Variants in CRADD observed in about 807,000 individuals in gnomAD.
CRADD encodes CARD and death domain containing adaptor protein.
In CRADD, 9 loss-of-function variants were observed where a neutral mutation model predicts 15.5. The observed-to-expected ratio is 0.58, with a 90% CI of 0.35 to 1.01. CRADD has a LOEUF of 1.01. Ranked by LOEUF, CRADD falls within the 50% of genes least tolerant of loss-of-function variation. CRADD has a pLI of 0.02. For missense variants in CRADD, 227 were observed against 250.3 expected, an observed-to-expected ratio of 0.91 and a Z score of 0.63; for synonymous variants, 118 against 107.6, an observed-to-expected ratio of 1.10 and a Z score of -0.60.
chr12:93,849,378 ATAGAC>A (rs1958179199), intron 2 of CRADD: 1 of 152,572 alleles, frequency 6.6e-6, no homozygotes, highest in Non-Finnish European at 1.5e-5. Context: ...ATCAAAGAAA[ATAGAC>A]TAGTTATTAT....
chr12:93,780,404 T>A (rs576362744), intron 2 of CRADD, among the ~76,000 whole-genome samples: 123 of 152,226 alleles, frequency 8.1e-4, no homozygotes, highest in Non-Finnish European at 1.0e-3. Context: ...TAGATATTAC[T>A]GTTATCAATC....
intron 2 of CRADD, among the ~76,000 whole-genome samples, chr12:93,819,009 A>G (rs912032132): frequency 6.6e-6 from 1 of 152,224 alleles, no homozygotes; most frequent in Non-Finnish European, 1.5e-5. Flanking sequence ...TTATGTTGAC[A>G]TTTCTAGCTA....
At chr12:93,825,030 T>C (rs1186700506) in intron 2 of CRADD, among the ~76,000 whole-genome samples, 1 of 152,222 alleles carries the variant, frequency 6.6e-6, no homozygotes, top group Non-Finnish European at 1.5e-5. Context: ...TTTGTTAAAG[T>C]ACATCTAACC....
chr12:93,818,492 C>T (rs1359772405), intron 2 of CRADD, among the ~76,000 whole-genome samples: 2 of 152,170 alleles, frequency 1.3e-5, no homozygotes, highest in Non-Finnish European at 2.9e-5. Context: ...TGACCTGTGT[C>T]TTCTGGTTAG....
intron 2 of CRADD, among the ~76,000 whole-genome samples, chr12:93,801,122 C>A (rs755589070): frequency 6.6e-6 from 1 of 152,162 alleles, no homozygotes; most frequent in Non-Finnish European, 1.5e-5. Flanking sequence ...GTACATAAAG[C>A]CTGTCAGTCC....
intron 2 of CRADD, among the ~76,000 whole-genome samples, chr12:93,818,825 G>C (rs1264825052): frequency 6.6e-6 from 1 of 152,196 alleles, no homozygotes; most frequent in African/African-American, 2.4e-5. Flanking sequence ...CAAAGAGACA[G>C]AGCATGATCC....
chr12:93,679,066 C>T lies in CRADD; in HGVS notation c.292C>T (p.Pro98Ser), dbSNP rs1347904821. Residue 98 changes from proline (P) to serine (S), a missense_variant, in exon 2 of 3, where the codon CCT (proline) becomes TCT (serine). Coordinates refer to ENST00000332896, the MANE Select transcript of CRADD (RefSeq NM_003805.5). The part of the protein sequence containing the change: ...KAREEAMTDL[P>S]AGDRLTGIPS... ...AAGGGAAGAGGCCATGACCGACCTG[C>T]CTGCAGGTAGGCCTCAGAAAGATCA... 17 of 1,611,494 alleles carry T rather than the reference C, an allele frequency of 1.1e-5. No individual in the cohort carries two copies. Among genetic ancestry groups the T allele is most frequent in the Non-Finnish European group, 1.4e-5 (17 of 1,178,238 alleles).
chr12:93,873,546 G>A (rs1425052547), intron 2 of CRADD, among the ~76,000 whole-genome samples: 1 of 151,936 alleles, frequency 6.6e-6, no homozygotes, highest in Non-Finnish European at 1.5e-5. Flanking sequence ...ATCTGTGGGT[G>A]TTTCATATCT....
At chr12:93,893,753 A>C (rs1489775400) in intron 2 of CRADD, among the ~76,000 whole-genome samples, 1 of 152,070 alleles carries the variant, frequency 6.6e-6, no homozygotes, top group Non-Finnish European at 1.5e-5. Flanking sequence ...TAACAATACA[A>C]AAATTAGCCA....
At chr12:93,693,772 C>T (rs961407413) in intron 2 of CRADD, among the ~76,000 whole-genome samples, 4 of 151,960 alleles carry the variant, frequency 2.6e-5, no homozygotes, top group African/African-American at 9.7e-5. Flanking sequence ...CAGAACATTC[C>T]ATCCAATGGT....
At chr12:93,826,742 T>G (rs1015394462) in intron 2 of CRADD, 2 of 152,196 alleles carry the variant, frequency 1.3e-5, no homozygotes, top group African/African-American at 4.8e-5. Context: ...GAGAGAACTT[T>G]CAGAGTATCA....
In CRADD at chr12:93,693,906, C is replaced by T. The variant is rs116071611; in HGVS notation, c.298+14834C>T. ...TCATTGCTGAATTCTGCCAAACATTCAAAGAACAAATACCAATCTTTCTCA... is the reference window on the plus strand; with the variant it reads ...TCATTGCTGAATTCTGCCAAACATTTAAAGAACAAATACCAATCTTTCTCA... On this transcript the variant is annotated intron_variant, in intron 2 of 2. Coordinates refer to ENST00000332896, the MANE Select transcript of CRADD (RefSeq NM_003805.5). Among the ~76,000 whole-genome samples, 440 of 152,152 alleles carry T rather than the reference C, an allele frequency of 2.9e-3. 4 individuals carry two copies. Among genetic ancestry groups the T allele is most frequent in the African/African-American group, 0.01 (420 of 41,556 alleles).
intron 2 of CRADD, among the ~76,000 whole-genome samples, chr12:93,734,021 G>GC (rs1260504699): frequency 1.3e-5 from 2 of 152,100 alleles, no homozygotes; most frequent in Non-Finnish European, 2.9e-5. Context: ...ACAGGCGTGA[G>GC]CCACCTGCCT....
rs115323420 is a variant in CRADD, at chr12:93,687,255, G to A, written c.298+8183G>A. The stretch of plus-strand genomic sequence containing the variant: ...CATTTCACTTTAAAACATGGATTTG[G>A]TATTCTTTTCACTTAGAAATTCTGG... On this transcript the variant is annotated intron_variant, in intron 2 of 2. Coordinates refer to ENST00000332896, the MANE Select transcript of CRADD (RefSeq NM_003805.5). 1.4e-3 allele frequency among the ~76,000 whole-genome samples: 220 copies of A among 152,278 alleles called. 1 individual carries two copies. The highest frequency in any genetic ancestry group is 4.7e-3 in the African/African-American group (196 of 41,540).
chr12:93,712,134 C>T (rs1279471256), intron 2 of CRADD, among the ~76,000 whole-genome samples: 3 of 152,036 alleles, frequency 2.0e-5, no homozygotes, highest in African/African-American at 7.2e-5. Context: ...ACTGACTGTT[C>T]TTTTTCTCTA....
intron 2 of CRADD, among the ~76,000 whole-genome samples, chr12:93,750,457 A>G (rs1294157636): frequency 6.6e-6 from 1 of 152,234 alleles, no homozygotes; most frequent in East Asian, 1.9e-4. Context: ...GGCAGGTAGA[A>G]AAGATAACTC....
At chr12:93,816,379 G>A (rs941303731) in intron 2 of CRADD, among the ~76,000 whole-genome samples, 5 of 38,518 alleles carry the variant, frequency 1.3e-4, no homozygotes, top group Non-Finnish European at 2.3e-4. Flanking sequence ...GTGATGCCTG[G>A]CTAATTTTTT....
intron 2 of CRADD, among the ~76,000 whole-genome samples, chr12:93,722,827 T>C (rs1956288546): frequency 6.6e-6 from 1 of 152,216 alleles, no homozygotes; most frequent in Admixed American, 6.5e-5. Flanking sequence ...TTCTGATGCT[T>C]GGTCTGTCTC....
intron 2 of CRADD, among the ~76,000 whole-genome samples, chr12:93,697,112 T>C (rs1348691818): frequency 6.6e-6 from 1 of 152,196 alleles, no homozygotes; most frequent in African/African-American, 2.4e-5. Context: ...TTTAATCATC[T>C]CTATTTAGCC....
Sources: allele counts gnomAD v4.1 joint callset (sites outside exome capture counted in the v4.1 genomes callset), GRCh38; gene constraint gnomAD v4.1.1; transcripts MANE v1.5; gene names NCBI Gene and HGNC (gene_info 2026-07-23, HGNC 2026-07-21).